TFG: variants seen among roughly 807,000 people sequenced by gnomAD.
TFG encodes the protein trafficking from ER to golgi regulator.
TFG carries 22 observed loss-of-function variants against 51.4 expected under a neutral mutation model. The ratio of observed to expected loss-of-function variants is 0.43; its 90% CI spans 0.31 to 0.61. TFG has a LOEUF of 0.61. Ranked by LOEUF, TFG falls within the 20% of genes least tolerant of loss-of-function variation. TFG has a pLI of 0.12. For synonymous variants in TFG, 187 were observed against 165.6 expected (o/e 1.13, Z -0.99); for missense variants, 419 against 487.7 (o/e 0.86, Z 1.33).
In TFG at chr3:100,734,066, CT is replaced by C. The variant is rs371684906; in HGVS notation, c.580+1404del. ...ACAGTCACAGAAGTTTTTTTTTTTGCTTTTTTTTTTGCAAAGTTGTGATGGC... is the reference window on the plus strand; with the variant it reads ...ACAGTCACAGAAGTTTTTTTTTTTGCTTTTTTTTTGCAAAGTTGTGATGGC... On this transcript the variant is annotated intron_variant, in intron 5 of 7. Coordinates refer to ENST00000240851, the MANE Select transcript of TFG (RefSeq NM_006070.6). Among the ~76,000 whole-genome samples the C allele has an allele frequency of 1.3e-4, 18 of 143,400 alleles. No homozygotes were observed. The East Asian group carries it at 2.3e-3, about 19-fold the overall frequency. The allele number at this position is 143,400 out of a possible 152,430, so 94.1% of individuals were successfully genotyped here.
intron 4 of TFG, among the ~76,000 whole-genome samples, chr3:100,730,932 A>G (rs2095089858): frequency 6.6e-6 from 1 of 152,198 alleles, no homozygotes; most frequent in African/African-American, 2.4e-5. Flanking sequence ...GATTAGAGGA[A>G]GGAAGTTGGT....
chr3:100,745,437 A>T (rs1005072289), intron 7 of TFG, among the ~76,000 whole-genome samples: 2 of 152,188 alleles, frequency 1.3e-5, no homozygotes, highest in Non-Finnish European at 2.9e-5. Flanking sequence ...TAAAAATAAA[A>T]TCGTATAAAA....
At chr3:100,721,123 T>C (rs2095059691) in intron 3 of TFG, among the ~76,000 whole-genome samples, 1 of 152,216 alleles carries the variant, frequency 6.6e-6, no homozygotes, top group East Asian at 1.9e-4. Flanking sequence ...TTTACAGTAT[T>C]GAATGTAAAA....
intron 3 of TFG, among the ~76,000 whole-genome samples, chr3:100,723,491 C>A (rs2095066450): frequency 6.6e-6 from 1 of 152,012 alleles, no homozygotes; most frequent in Non-Finnish European, 1.5e-5. Context: ...AAATCCAGTT[C>A]CATGCTACTT....
rs1220778937 is a variant in TFG at position 100,716,816 on chromosome 3, ATATT to A, written c.184+2952_184+2955del. The stretch of plus-strand genomic sequence containing the variant: ...TTTGTGATTTTGAGCATTTTTTCAT[ATATT>A]TATTGACCATTTCTATGTCTTTTTT... On this transcript the variant is annotated intron_variant, in intron 2 of 7. Coordinates refer to ENST00000240851, the MANE Select transcript of TFG (RefSeq NM_006070.6). Among the ~76,000 whole-genome samples, 4 of 152,162 alleles carry A rather than the reference ATATT, an allele frequency of 2.6e-5. No individual in the cohort carries two copies. In the East Asian group the frequency reaches 7.7e-4, roughly 29 times the overall value.
intron 6 of TFG, among the ~76,000 whole-genome samples, chr3:100,738,768 T>A (rs2095113417): frequency 6.6e-6 from 1 of 152,196 alleles, no homozygotes; most frequent in Non-Finnish European, 1.5e-5. Flanking sequence ...CTGATCTAAT[T>A]CTAGATCAGT....
chr3:100,726,213 A>C (rs1196627346), intron 3 of TFG, among the ~76,000 whole-genome samples: 1 of 152,198 alleles, frequency 6.6e-6, no homozygotes, highest in Non-Finnish European at 1.5e-5. Flanking sequence ...TCTGATGTCC[A>C]AGGGCAGGAG....
chr3:100,728,964 CTT>C, intron 4 of TFG, 106 bp downstream of exon 4: 1 of 986,042 alleles, frequency 1.0e-6, no homozygotes, highest in Non-Finnish European at 1.5e-6. Flanking sequence ...CAATGTCACT[CTT>C]GTTTCTTCCT....
At chr3:100,745,054 G>A in intron 7 of TFG, 123 bp downstream of exon 7, 2 of 439,306 alleles carry the variant, frequency 4.6e-6, no homozygotes, top group Non-Finnish European at 8.2e-6. Context: ...TTTATTAGGG[G>A]AAACAACATT....
chr3:100,737,656 T>C (rs896212838), intron 6 of TFG, among the ~76,000 whole-genome samples: 2 of 152,162 alleles, frequency 1.3e-5, no homozygotes, highest in Non-Finnish European at 2.9e-5. Context: ...CAGAAGCAAG[T>C]GATTAAGGTT....
chr3:100,737,786 C>T (rs745447595), intron 6 of TFG, among the ~76,000 whole-genome samples: 4 of 152,138 alleles, frequency 2.6e-5, no homozygotes, highest in Non-Finnish European at 4.4e-5. Flanking sequence ...TGGTGCCTCA[C>T]GCCTATAATC....
intron 2 of TFG, among the ~76,000 whole-genome samples, chr3:100,718,159 T>G (rs1270509495): frequency 1.3e-5 from 2 of 152,206 alleles, no homozygotes; most frequent in Non-Finnish European, 2.9e-5. Context: ...ACTCCTGGGC[T>G]CAAGCGATCC....
intron 5 of TFG, among the ~76,000 whole-genome samples, chr3:100,733,611 C>T (rs1038193249): frequency 1.3e-5 from 2 of 152,002 alleles, no homozygotes; most frequent in Admixed American, 1.3e-4. Context: ...GTTCCTCTCC[C>T]CCACACACAC....
intron 6 of TFG, among the ~76,000 whole-genome samples, chr3:100,737,956 A>T (rs1213259461): frequency 6.6e-6 from 1 of 152,146 alleles, no homozygotes; most frequent in East Asian, 1.9e-4. Context: ...CTACTTGGGA[A>T]GCTGAAGTGG....
intron 1 of TFG, chr3:100,709,924 A>G (rs1220978257): frequency 3.4e-5 from 1 of 29,632 alleles, no homozygotes; most frequent in South Asian, 1.1e-3. Flanking sequence ...GGGGCCTTGC[A>G]TGGGGGGAGG....
At chr3:100,726,217 GC>G (rs2095075293) in intron 3 of TFG, among the ~76,000 whole-genome samples, 1 of 152,194 alleles carries the variant, frequency 6.6e-6, no homozygotes, top group Non-Finnish European at 1.5e-5. Context: ...ATGTCCAAGG[GC>G]AGGAGGAGTG....
chr3:100,714,718 A>G (rs898960562), intron 2 of TFG, among the ~76,000 whole-genome samples: 2 of 152,206 alleles, frequency 1.3e-5, no homozygotes, highest in Non-Finnish European at 2.9e-5. Flanking sequence ...TAAGTAAGGG[A>G]AAGCTGGTTT....
rs199852969 is a variant in TFG at position 100,725,792 on chromosome 3, C to CA, written c.269-2912dup. On this transcript the variant is annotated intron_variant, in intron 3 of 7. Transcript: ENST00000240851. ...TGGGTGACAGAGCAAGACTCTGTCT[C>CA]AAAAAAAATATAAATACATATTAAG... Among the ~76,000 whole-genome samples, 1,260 of 151,248 alleles carry CA rather than the reference C, an allele frequency of 8.3e-3. 23 individuals are homozygous for CA. Among genetic ancestry groups the CA allele is most frequent in the African/African-American group, 0.029 (1,213 of 41,234 alleles).
chr3:100,738,798 A>G (rs1271746829), intron 6 of TFG, among the ~76,000 whole-genome samples: 3 of 152,236 alleles, frequency 2.0e-5, no homozygotes, highest in African/African-American at 7.2e-5. Context: ...AAGAATTACG[A>G]TAGAAGCCAC....
Sources: gnomAD v4.1 joint callset for allele counts (sites outside exome capture counted in the v4.1 genomes callset) on GRCh38, gnomAD v4.1.1 for gene constraint, MANE v1.5 for transcripts, NCBI Gene and HGNC (gene_info 2026-07-23, HGNC 2026-07-21) for gene names.